The following RPS6KC1 variants were observed in gnomAD, a reference collection of about 807,000 sequenced individuals.
RPS6KC1 encodes ribosomal protein S6 kinase C1.
Under a neutral mutation model 103.8 loss-of-function variants are expected in RPS6KC1, and 54 were observed. That is an observed-to-expected ratio of 0.52 (90% CI 0.42 to 0.65). RPS6KC1 has a LOEUF of 0.65. Among genes scored for constraint, RPS6KC1 ranks in the 30% least tolerant of loss-of-function variants. RPS6KC1 has a pLI of 0.00. For synonymous variants in RPS6KC1, 439 were observed against 438.7 expected (o/e 1.00, Z -0.01); for missense variants, 1,151 against 1,253.8 (o/e 0.92, Z 1.24).
At chr1:213,690,242 G>A in the RPS6KC1 span, among the ~76,000 whole-genome samples, 1 of 152,112 alleles carries the variant, frequency 6.6e-6, no homozygotes, top group Admixed American at 6.5e-5. Context: ...TTCCCACTGT[G>A]CTCAGAACAA....
chr1:213,081,229 A>T (rs1336519064), intron 3 of RPS6KC1, among the ~76,000 whole-genome samples: 1 of 152,160 alleles, frequency 6.6e-6, no homozygotes, highest in African/African-American at 2.4e-5. Flanking sequence ...TATTTGGCTC[A>T]TGGTTTTACA....
the RPS6KC1 span, among the ~76,000 whole-genome samples, chr1:213,640,404 G>A: frequency 6.7e-6 from 1 of 149,954 alleles, no homozygotes; most frequent in African/African-American, 2.4e-5. Context: ...CAGTTTCATT[G>A]ATTTATTCCC....
In RPS6KC1 at chr1:213,129,650, C is replaced by T. The variant is rs766825388; in HGVS notation, c.596C>T (p.Ser199Leu). Reference sequence around the variant, plus strand: ...AGAACTTTTGGTCTCAATCTTTCTTCGGATTCTTCAGCACTAGGGGCTGTT... The same window carrying T: ...AGAACTTTTGGTCTCAATCTTTCTTTGGATTCTTCAGCACTAGGGGCTGTT... Reference protein sequence around the residue: ...PIRTFGLNLSSDSSALGAVAS... With the variant: ...PIRTFGLNLSLDSSALGAVAS... Residue 199 changes from serine to leucine, a missense_variant, in exon 6 of 15, where the codon TCG (serine) becomes TTG (leucine). Physicochemically the swap from Ser to Leu is moderately radical, Grantham distance 145. Transcript: ENST00000366960. The T allele has an allele frequency of 3.0e-5, 48 of 1,613,888 alleles. No individual in the cohort carries two copies. Among genetic ancestry groups the T allele is most frequent in the East Asian group, 1.1e-4 (5 of 44,886 alleles).
At chr1:213,419,768 G>A in the RPS6KC1 span, among the ~76,000 whole-genome samples, 2 of 152,230 alleles carry the variant, frequency 1.3e-5, no homozygotes, top group African/African-American at 4.8e-5. Context: ...ATGCTGTCCT[G>A]TGTTGGGAGA....
chr1:213,312,364 G>A, the RPS6KC1 span, among the ~76,000 whole-genome samples: 87 of 152,244 alleles, frequency 5.7e-4, no homozygotes, highest in South Asian at 1.2e-3. Flanking sequence ...ATAATTCTTC[G>A]ATTCTGGGTT....
At chr1:213,208,466 G>T (rs1449858178) in intron 8 of RPS6KC1, among the ~76,000 whole-genome samples, 1 of 152,116 alleles carries the variant, frequency 6.6e-6, no homozygotes, top group Non-Finnish European at 1.5e-5. Context: ...TGATGTTGTG[G>T]TGTGGAAATC....
intron 8 of RPS6KC1, among the ~76,000 whole-genome samples, chr1:213,225,185 A>G (rs1206324943): frequency 6.6e-6 from 1 of 152,188 alleles, no homozygotes; most frequent in African/African-American, 2.4e-5. Context: ...TCAGTTGAAG[A>G]GGTATATCCA....
At chr1:213,465,886 T>C in the RPS6KC1 span, among the ~76,000 whole-genome samples, 1 of 152,242 alleles carries the variant, frequency 6.6e-6, no homozygotes, top group African/African-American at 2.4e-5. Flanking sequence ...CTATCTCTCC[T>C]TCCACAACTG....
At chr1:213,766,444 G>T in the RPS6KC1 span, among the ~76,000 whole-genome samples, 1 of 152,126 alleles carries the variant, frequency 6.6e-6, no homozygotes, top group Admixed American at 6.5e-5. Context: ...AACACTCCTT[G>T]AGGACTGGAG....
At chr1:213,203,441 A>G (rs1285929018) in intron 8 of RPS6KC1, among the ~76,000 whole-genome samples, 1 of 152,136 alleles carries the variant, frequency 6.6e-6, no homozygotes, top group African/African-American at 2.4e-5. Context: ...TTTAATGTGC[A>G]ATTTTAATTG....
the RPS6KC1 span, among the ~76,000 whole-genome samples, chr1:213,439,976 T>C: frequency 1.3e-5 from 2 of 152,214 alleles, no homozygotes; most frequent in East Asian, 3.8e-4. Flanking sequence ...TACATCAGCC[T>C]ATAGAAAGCA....
At chr1:213,753,619 T>C in the RPS6KC1 span, among the ~76,000 whole-genome samples, 2 of 152,160 alleles carry the variant, frequency 1.3e-5, no homozygotes, top group Admixed American at 6.5e-5. Flanking sequence ...TATCTCCTTA[T>C]GCAAACCTTT....
chr1:213,437,448 A>G, the RPS6KC1 span, among the ~76,000 whole-genome samples: 1 of 151,956 alleles, frequency 6.6e-6, no homozygotes, highest in Non-Finnish European at 1.5e-5. Flanking sequence ...AAAAGAGATA[A>G]CCGCTTGTTT....
At chr1:213,433,957 G>A in the RPS6KC1 span, among the ~76,000 whole-genome samples, 1 of 151,898 alleles carries the variant, frequency 6.6e-6, no homozygotes. Flanking sequence ...TTTTGAGAAA[G>A]TCCAATTTAT....
rs542648674 is a variant in RPS6KC1 at position 213,065,570 on chromosome 1, G to A, written c.106-5436G>A. On this transcript the variant is annotated intron_variant, in intron 1 of 14. Coordinates refer to ENST00000366960, the MANE Select transcript of RPS6KC1 (RefSeq NM_012424.6). ...TAGCCATTTTGTGGTTTTCGTTTCCGTTTTGGGGGACACATTTGTGAAGTA... is the reference window on the plus strand; with the variant it reads ...TAGCCATTTTGTGGTTTTCGTTTCCATTTTGGGGGACACATTTGTGAAGTA... Among the ~76,000 whole-genome samples the A allele has an allele frequency of 9.2e-5, 14 of 152,264 alleles. No individual in the cohort carries two copies. In the South Asian group the frequency reaches 2.3e-3, roughly 25 times the overall value.
At chr1:213,844,811 G>A in the RPS6KC1 span, among the ~76,000 whole-genome samples, 1 of 152,250 alleles carries the variant, frequency 6.6e-6, no homozygotes, top group South Asian at 2.1e-4. Context: ...ACACCACTAA[G>A]TATGGTTCTT....
the RPS6KC1 span, among the ~76,000 whole-genome samples, chr1:213,536,892 T>TG: frequency 6.6e-6 from 1 of 152,070 alleles, no homozygotes; most frequent in Middle Eastern, 3.4e-3. Context: ...GAGAGCCCAG[T>TG]GGGGGGCGGG....
intron 3 of RPS6KC1, among the ~76,000 whole-genome samples, chr1:213,093,668 G>T (rs189836676): frequency 1.3e-5 from 2 of 152,188 alleles, no homozygotes; most frequent in Admixed American, 1.3e-4. Context: ...ATTTAGACCC[G>T]TATCTTCTGT....
At chr1:213,215,392 G>C (rs1380948636) in intron 8 of RPS6KC1, among the ~76,000 whole-genome samples, 1 of 152,198 alleles carries the variant, frequency 6.6e-6, no homozygotes, top group South Asian at 2.1e-4. Flanking sequence ...AAGACCAAAT[G>C]TACGTCTGAT....
Sources: allele counts gnomAD v4.1 joint callset (sites outside exome capture counted in the v4.1 genomes callset), GRCh38; gene constraint gnomAD v4.1.1; transcripts MANE v1.5; gene names NCBI Gene and HGNC (gene_info 2026-07-23, HGNC 2026-07-21).